Variants in PHACTR4 observed in about 807,000 individuals in gnomAD.
The protein encoded by PHACTR4 is phosphatase and actin regulator 4, also known as protein phosphatase 1, regulatory subunit 124.
Under a neutral mutation model 72.7 loss-of-function variants are expected in PHACTR4, and 51 were observed. The observed-to-expected ratio is 0.70, with a 90% confidence interval of 0.56 to 0.89. The LOEUF (loss-of-function observed/expected upper bound fraction) is 0.89. Among genes scored for constraint, PHACTR4 ranks in the 40% least tolerant of loss-of-function variants. The pLI is 0.00. For missense variants in PHACTR4, 731 were observed against 861.8 expected (o/e 0.85, Z 1.90); for synonymous variants, 255 against 302.5 (o/e 0.84, Z 1.63).
In PHACTR4 at chr1:28,500,316, C is replaced by T. The variant is rs1249328631; in HGVS notation, c.*3767C>T. Reference sequence around the variant, plus strand: ...ATAAATAATTGCATTGTATATCAGTCTTCTCATCAATATTAATTATTAAAT... The same window carrying T: ...ATAAATAATTGCATTGTATATCAGTTTTCTCATCAATATTAATTATTAAAT... On this transcript the variant is annotated 3_prime_UTR_variant, in exon 14 of 14. Coordinates refer to ENST00000373839, the MANE Select transcript of PHACTR4 (RefSeq NM_001048183.3). The T allele has an allele frequency of 6.6e-6, 1 of 152,052 alleles. No homozygotes were observed. Among genetic ancestry groups the T allele is most frequent in the Non-Finnish European group, 1.5e-5 (1 of 68,012 alleles). The allele number at this position is 152,052 out of a possible 1,614,324, so 9.4% of individuals were successfully genotyped here. A position where few individuals can be genotyped will look rare whatever the true frequency, so the allele number is the denominator to read the frequency against.
intron 11 of PHACTR4, 27 bp downstream of exon 11, chr1:28,491,039 C>G (rs1481796654): frequency 6.3e-7 from 1 of 1,597,390 alleles, no homozygotes; most frequent in African/African-American, 1.3e-5. Flanking sequence ...GTTCAGTTAA[C>G]TATATGTGTT....
In PHACTR4 at chr1:28,491,746, C is replaced by T. The variant is rs1395108790; in HGVS notation, c.1975C>T (p.Arg659Ter). The change falls in exon 12 of 14, where the codon CGA becomes TGA. Residue 659 changes from arginine to a stop codon, truncating the protein, a stop_gained. Coordinates refer to ENST00000373839, the MANE Select transcript of PHACTR4 (RefSeq NM_001048183.3). LOFTEE classifies it high-confidence loss of function. The stretch of plus-strand genomic sequence containing the variant: ...AACAGATGCTCAAGATTATGACCGG[C>T]GAGCCGACAAACCTTGGACCAAACT... Reference protein sequence around the residue: ...EVTDAQDYDRRADKPWTKLTP... With the variant: ...EVTDAQDYDR 1.9e-6 allele frequency: 3 copies of T among 1,613,914 alleles called. No homozygotes were observed. Among genetic ancestry groups the T allele is most frequent in the Non-Finnish European group, 2.5e-6 (3 of 1,179,982 alleles).
intron 1 of PHACTR4, among the ~76,000 whole-genome samples, chr1:28,400,174 A>C (rs1653836303): frequency 6.6e-6 from 1 of 152,096 alleles, no homozygotes; most frequent in Non-Finnish European, 1.5e-5. Flanking sequence ...GGAGTTCAAG[A>C]CCAGCCTGGC....
intron 2 of PHACTR4, among the ~76,000 whole-genome samples, 157 bp downstream of exon 2, chr1:28,407,620 T>C (rs1321138248): frequency 6.6e-6 from 1 of 151,834 alleles, no homozygotes; most frequent in African/African-American, 2.4e-5. Context: ...AATTCAGTTA[T>C]ATATTTAATG....
intron 13 of PHACTR4, among the ~76,000 whole-genome samples, chr1:28,495,548 A>G (rs1661291395): frequency 6.6e-6 from 1 of 152,186 alleles, no homozygotes; most frequent in Non-Finnish European, 1.5e-5. Flanking sequence ...AAAGAAAGCA[A>G]AGTCTCAAGA....
At chr1:28,438,406 A>C in intron 2 of PHACTR4, 2 of 1,613,160 alleles carry the variant, frequency 1.2e-6, no homozygotes, top group Non-Finnish European at 1.7e-6. Context: ...TGATGTCTCC[A>C]GACCGGTAAA....
chr1:28,428,335 C>G (rs1189931503), intron 2 of PHACTR4, among the ~76,000 whole-genome samples: 1 of 152,220 alleles, frequency 6.6e-6, no homozygotes, highest in African/African-American at 2.4e-5. Context: ...CCTCAAATCC[C>G]TATCCAATAT....
chr1:28,380,665 G>C (rs1652095885), intron 1 of PHACTR4, among the ~76,000 whole-genome samples: 1 of 152,160 alleles, frequency 6.6e-6, no homozygotes. Context: ...TCCTGCAAAG[G>C]ACATGATCTT....
At chr1:28,397,903 C>T (rs112823939) in intron 1 of PHACTR4, among the ~76,000 whole-genome samples, 1,939 of 151,772 alleles carry the variant, frequency 0.013, 17 homozygotes, top group Middle Eastern at 0.024. Context: ...TTAGTAGAAA[C>T]GGGTTTTCAC....
intron 6 of PHACTR4, 100 bp from the exon 7 acceptor site, chr1:28,473,454 A>T: frequency 2.3e-6 from 2 of 873,236 alleles, no homozygotes; most frequent in Non-Finnish European, 3.6e-6. Flanking sequence ...TAACTTGCTT[A>T]AAAGATTAAA....
At chr1:28,442,045 A>G (rs1657072405) in intron 2 of PHACTR4, among the ~76,000 whole-genome samples, 1 of 152,196 alleles carries the variant, frequency 6.6e-6, no homozygotes, top group Non-Finnish European at 1.5e-5. Context: ...TAATGAACAT[A>G]AAAACTGTTT....
chr1:28,480,465 A>G lies in PHACTR4; in HGVS notation c.1621A>G (p.Lys541Glu). Residue 541 changes from lysine to glutamate, a missense_variant, in exon 9 of 14, where the codon AAA becomes GAA. Physicochemically the swap from Lys to Glu is moderately conservative, Grantham distance 56. Around this residue, in one of 2 missense-constraint regions of PHACTR4, gnomAD observed 621 missense variants for 676.6 expected, o/e 0.92. Coordinates refer to ENST00000373839, the MANE Select transcript of PHACTR4 (RefSeq NM_001048183.3). ...DESYQSALAN[K>E]VKRKDTLAMK... Reference sequence around the variant, plus strand: ...CGTGTGCAAAGGTGCTCTCGCCAACAAAGTGAAGAGGAAAGACACACTGGC... The same window carrying G: ...CGTGTGCAAAGGTGCTCTCGCCAACGAAGTGAAGAGGAAAGACACACTGGC... 1.2e-6 allele frequency: 2 copies of G among 1,614,066 alleles called. No individual in the cohort carries two copies. Among genetic ancestry groups the G allele is most frequent in the Non-Finnish European group, 1.7e-6 (2 of 1,179,976 alleles).
intron 2 of PHACTR4, among the ~76,000 whole-genome samples, chr1:28,411,873 G>T (rs893992596): frequency 8.0e-6 from 1 of 125,016 alleles, no homozygotes. Context: ...AAGAACGAAT[G>T]AACAAAAGAA....
intron 1 of PHACTR4, among the ~76,000 whole-genome samples, chr1:28,374,413 T>G (rs1258330204): frequency 6.6e-6 from 1 of 152,238 alleles, no homozygotes; most frequent in Non-Finnish European, 1.5e-5. Context: ...AGTTAAGTCT[T>G]GGATTTATGT....
At chr1:28,456,864 G>T (rs934540306) in intron 2 of PHACTR4, among the ~76,000 whole-genome samples, 2 of 152,034 alleles carry the variant, frequency 1.3e-5, no homozygotes, top group African/African-American at 4.8e-5. Flanking sequence ...TCCATGCTGG[G>T]CAACAGAACG....
At chr1:28,438,129 G>T (rs1413318430) in intron 2 of PHACTR4, 23 of 1,157,588 alleles carry the variant, frequency 2.0e-5, no homozygotes, top group Non-Finnish European at 2.5e-5. Context: ...TCTACACAGT[G>T]TGCATTCTGG....
At chr1:28,483,360 C>T (rs1416577144) in intron 9 of PHACTR4, among the ~76,000 whole-genome samples, 1 of 151,634 alleles carries the variant, frequency 6.6e-6, no homozygotes, top group Non-Finnish European at 1.5e-5. Context: ...AAGACCCAGG[C>T]GATCAAGGCC....
Position 28,459,268 on chromosome 1 carries a change from T to G in PHACTR4, c.190+10T>G. The G allele has an allele frequency of 6.2e-7, 1 of 1,607,634 alleles. No individual in the cohort carries two copies. Among genetic ancestry groups the G allele is most frequent in the Non-Finnish European group, 8.5e-7 (1 of 1,174,860 alleles). ...AAAGAGACTTCAGAAGGTGAGATAT[T>G]AAGGGTTAAATGTGTGTTCTGAGTT... On this transcript the variant is annotated intron_variant, in intron 3 of 13. Coordinates refer to ENST00000373839, the MANE Select transcript of PHACTR4 (RefSeq NM_001048183.3).
At chr1:28,426,742 A>G (rs1557806137) in intron 2 of PHACTR4, among the ~76,000 whole-genome samples, 1 of 148,664 alleles carries the variant, frequency 6.7e-6, no homozygotes. Context: ...TTTTTAATAG[A>G]GACAAGATCT....
Sources: gnomAD v4.1 joint callset for allele counts (sites outside exome capture counted in the v4.1 genomes callset) on GRCh38, gnomAD v4.1.1 for gene constraint, gnomAD v4.1.1 regional missense constraint, MANE v1.5 for transcripts, NCBI Gene and HGNC (gene_info 2026-07-23, HGNC 2026-07-21) for gene names.